The following ALK variants were observed in gnomAD, a reference collection of about 807,000 sequenced individuals.
The protein encoded by ALK is ALK receptor tyrosine kinase.
Under a neutral mutation model 163.1 loss-of-function variants are expected in ALK, and 74 were observed. That is an observed-to-expected ratio of 0.45 (90% CI 0.38 to 0.55). The LOEUF (loss-of-function observed/expected upper bound fraction) is 0.55, where lower values mean the gene tolerates loss of function less well. ALK is among the 20% of genes least tolerant of loss of function. The probability of loss-of-function intolerance (pLI) is 0.00; values close to 1 mark genes in which losing one functional copy is unlikely to be tolerated. For synonymous variants in ALK, 960 were observed against 843.2 expected (o/e 1.14, Z -2.40); for missense variants, 2,063 against 2,105.3 (o/e 0.98, Z 0.39).
At chr2:29,896,767 A>C (rs1228619099) in intron 1 of ALK, among the ~76,000 whole-genome samples, 1 of 152,114 alleles carries the variant, frequency 6.6e-6, no homozygotes, top group Non-Finnish European at 1.5e-5. Flanking sequence ...TAAAATCTCC[A>C]TCACGCACCT....
chr2:29,395,300 C>A (rs891053156), intron 4 of ALK, among the ~76,000 whole-genome samples: 2 of 152,206 alleles, frequency 1.3e-5, no homozygotes, highest in Non-Finnish European at 2.9e-5. Context: ...TGAAACTTGC[C>A]ATAAACTGTG....
At chr2:29,435,588 T>C (rs1236125617) in intron 4 of ALK, among the ~76,000 whole-genome samples, 2 of 151,666 alleles carry the variant, frequency 1.3e-5, no homozygotes, top group Non-Finnish European at 2.9e-5. Flanking sequence ...ATACAGAAGT[T>C]TGGGAAAATT....
intron 3 of ALK, among the ~76,000 whole-genome samples, chr2:29,638,903 G>A (rs1676621438): frequency 6.6e-6 from 1 of 152,204 alleles, no homozygotes; most frequent in African/African-American, 2.4e-5. Context: ...CAGCCTGTGT[G>A]AGGGACATGC....
At chr2:29,241,346 C>T (rs1664517707) in intron 12 of ALK, among the ~76,000 whole-genome samples, 2 of 152,094 alleles carry the variant, frequency 1.3e-5, no homozygotes, top group Non-Finnish European at 2.9e-5. Flanking sequence ...AGCCCCAGCC[C>T]CTTTCCTAGT....
intron 1 of ALK, among the ~76,000 whole-genome samples, chr2:29,814,219 G>C (rs963177076): frequency 5.3e-5 from 8 of 152,166 alleles, no homozygotes; most frequent in Non-Finnish European, 1.2e-4. Context: ...GCGGCTAACT[G>C]ACTTGTCCGT....
chr2:29,773,489 C>A (rs1434831255), intron 1 of ALK, among the ~76,000 whole-genome samples: 1 of 152,150 alleles, frequency 6.6e-6, no homozygotes, highest in South Asian at 2.1e-4. Context: ...AGGTCTGACT[C>A]GACTGACTTC....
At chr2:29,772,014 A>G (rs1681043468) in intron 1 of ALK, among the ~76,000 whole-genome samples, 1 of 152,210 alleles carries the variant, frequency 6.6e-6, no homozygotes, top group South Asian at 2.1e-4. Context: ...CAGAGGTCTA[A>G]CCCACAGGGC....
intron 1 of ALK, among the ~76,000 whole-genome samples, 155 bp downstream of exon 1, chr2:29,919,838 G>A (rs1022156022): frequency 6.6e-6 from 1 of 152,218 alleles, no homozygotes; most frequent in Non-Finnish European, 1.5e-5. Flanking sequence ...AGAAACTACG[G>A]TCTGATTCGG....
In ALK at chr2:29,687,536, A is replaced by G. The variant is rs562908519; in HGVS notation, c.952+7314T>C. ...GATAATTTTTTATTCCTTTGTATTA[A>G]AAAAAAAGGATAGCATGTTTTATCT... On this transcript the variant is annotated intron_variant, in intron 3 of 28. Transcript: ENST00000389048. Among the ~76,000 whole-genome samples, 16 of 151,674 alleles carry G rather than the reference A, an allele frequency of 1.1e-4. No individual in the cohort carries two copies. In the East Asian group the frequency reaches 3.1e-3, roughly 29 times the overall value.
At chr2:29,870,030 T>C (rs1435820135) in intron 1 of ALK, among the ~76,000 whole-genome samples, 1 of 152,226 alleles carries the variant, frequency 6.6e-6, no homozygotes, top group African/African-American at 2.4e-5. Flanking sequence ...AATAATGGTG[T>C]ATTGTGAGCT....
At position 29,383,757 on chromosome 2, in the gene ALK, G is replaced by A. The variant is rs760042577; in HGVS notation, c.1257C>T (p.Phe419=). ...CTTCACTGCAGTTCTTCAGGGCAAA[G>A]AAGTCCACTGCAGACAAGCTGCGGT... The part of the protein sequence containing the change: ...SGNRSLSAVD[F]FALKNCSEGT... The change falls in exon 5 of 29, where the codon TTC becomes TTT. Residue 419 remains phenylalanine, a synonymous_variant. Transcript: ENST00000389048. 1.2e-6 allele frequency: 2 copies of A among 1,614,180 alleles called. No homozygotes were observed.
At chr2:29,503,113 T>A (rs1436937347) in intron 4 of ALK, among the ~76,000 whole-genome samples, 1 of 152,252 alleles carries the variant, frequency 6.6e-6, no homozygotes, top group African/African-American at 2.4e-5. Context: ...AAGGACTTAA[T>A]AGATATTGTT....
intron 3 of ALK, among the ~76,000 whole-genome samples, chr2:29,640,789 C>G (rs889561305): frequency 1.3e-5 from 2 of 152,048 alleles, no homozygotes; most frequent in Non-Finnish European, 2.9e-5. Flanking sequence ...GGTGTAGACA[C>G]CGCTACCAAT....
intron 5 of ALK, among the ~76,000 whole-genome samples, chr2:29,359,147 A>C (rs1209651411): frequency 6.6e-6 from 1 of 152,226 alleles, no homozygotes; most frequent in Admixed American, 6.5e-5. Context: ...TATATCTAAA[A>C]GGATGACCCA....
At chr2:29,818,247 C>G (rs1423358386) in intron 1 of ALK, among the ~76,000 whole-genome samples, 1 of 152,162 alleles carries the variant, frequency 6.6e-6, no homozygotes, top group Non-Finnish European at 1.5e-5. Flanking sequence ...TTCTCTCTCT[C>G]GAAGAGAAAT....
At chr2:29,420,884 C>A (rs1573338932) in intron 4 of ALK, among the ~76,000 whole-genome samples, 1 of 151,478 alleles carries the variant, frequency 6.6e-6, no homozygotes, top group African/African-American at 2.5e-5. Context: ...AGAATGCTAG[C>A]CAGACCTTAC....
intron 1 of ALK, among the ~76,000 whole-genome samples, chr2:29,815,829 C>G (rs1324217302): frequency 1.3e-5 from 2 of 152,186 alleles, no homozygotes; most frequent in South Asian, 2.1e-4. Flanking sequence ...TCCATATACA[C>G]TCTTTCTCCT....
chr2:29,575,876 G>C (rs1026903693), intron 3 of ALK, among the ~76,000 whole-genome samples: 3 of 152,188 alleles, frequency 2.0e-5, no homozygotes, highest in African/African-American at 7.2e-5. Context: ...AGTCCAGGGG[G>C]CTTTGCAGCA....
intron 1 of ALK, among the ~76,000 whole-genome samples, chr2:29,740,475 TC>T (rs1680026905): frequency 6.6e-6 from 1 of 151,078 alleles, no homozygotes. Flanking sequence ...TGGTTATTTG[TC>T]CTTTTGTTCT....
Sources: gnomAD v4.1 joint callset for allele counts (sites outside exome capture counted in the v4.1 genomes callset) on GRCh38, gnomAD v4.1.1 for gene constraint, MANE v1.5 for transcripts, NCBI Gene and HGNC (gene_info 2026-07-23, HGNC 2026-07-21) for gene names.